ROBO2: variants seen among roughly 807,000 people sequenced by gnomAD.
The protein encoded by ROBO2 is roundabout guidance receptor 2, also known as roundabout homolog 2.
Under a neutral mutation model 160.8 loss-of-function variants are expected in ROBO2, and 53 were observed. The observed-to-expected ratio is 0.33, with a 90% CI of 0.26 to 0.41. The LOEUF (loss-of-function observed/expected upper bound fraction) is 0.41. ROBO2 is among the 10% of genes least tolerant of loss of function. ROBO2 has a pLI of 1.00. For missense variants in ROBO2, 1,577 were observed against 1,722.4 expected, an observed-to-expected ratio of 0.92 and a Z score of 1.49; for synonymous variants, 664 against 611.7, an observed-to-expected ratio of 1.09 and a Z score of -1.26.
chr3:76,089,528 T>C (rs976553758), intron 2 of ROBO2, among the ~76,000 whole-genome samples: 3 of 151,994 alleles, frequency 2.0e-5, no homozygotes, highest in African/African-American at 7.2e-5. Flanking sequence ...GGTTAAACAT[T>C]TAAAAATGAA....
At chr3:76,954,264 T>C (rs2079117884) in intron 2 of ROBO2, among the ~76,000 whole-genome samples, 1 of 151,786 alleles carries the variant, frequency 6.6e-6, no homozygotes, top group Non-Finnish European at 1.5e-5. Flanking sequence ...CAATAGGTTT[T>C]CTTTACCCAC....
At chr3:76,109,962 GTTCCATTCAGGT>G (rs1214721823) in intron 2 of ROBO2, among the ~76,000 whole-genome samples, 3 of 151,656 alleles carry the variant, frequency 2.0e-5, no homozygotes, top group African/African-American at 7.3e-5. Flanking sequence ...ATAGCCTCCA[GTTCCATTCAGGT>G]TGCTGAAAAA....
intron 2 of ROBO2, among the ~76,000 whole-genome samples, chr3:76,561,977 C>T (rs2084210022): frequency 6.6e-6 from 1 of 152,072 alleles, no homozygotes; most frequent in South Asian, 2.1e-4. Context: ...CTGGCACTTT[C>T]CTCTTGTATC....
At chr3:76,630,763 T>C (rs1282643375) in intron 2 of ROBO2, among the ~76,000 whole-genome samples, 1 of 152,170 alleles carries the variant, frequency 6.6e-6, no homozygotes, top group East Asian at 1.9e-4. Context: ...AAAATAAATG[T>C]TTTTTTAAAA....
intron 2 of ROBO2, among the ~76,000 whole-genome samples, chr3:76,825,833 A>C (rs1053119609): frequency 1.6e-4 from 25 of 151,840 alleles, no homozygotes; most frequent in Non-Finnish European, 3.4e-4. Context: ...CCCTCCCTTA[A>C]CGTAACAGAT....
chr3:76,077,073 T>C (rs2108000583), intron 2 of ROBO2, among the ~76,000 whole-genome samples: 1 of 152,340 alleles, frequency 6.6e-6, no homozygotes, highest in African/African-American at 2.4e-5. Context: ...TTTTAGTTGT[T>C]GTTGATTATC....
At chr3:75,960,897 G>T (rs1045650198) in intron 2 of ROBO2, among the ~76,000 whole-genome samples, 15 of 151,444 alleles carry the variant, frequency 9.9e-5, no homozygotes, top group Non-Finnish European at 2.1e-4. Flanking sequence ...GAATATGAAG[G>T]TACCTGCCAT....
At chr3:76,362,509 C>T (rs2075579612) in intron 2 of ROBO2, among the ~76,000 whole-genome samples, 1 of 151,998 alleles carries the variant, frequency 6.6e-6, no homozygotes, top group African/African-American at 2.4e-5. Flanking sequence ...GCCGTGTTAG[C>T]TTAGGTAAGG....
At chr3:76,897,648 T>C (rs2148853965) in intron 2 of ROBO2, among the ~76,000 whole-genome samples, 1 of 152,118 alleles carries the variant, frequency 6.6e-6, no homozygotes, top group Non-Finnish European at 1.5e-5. Flanking sequence ...TTCTTTCCTT[T>C]GGTGAATGTA....
intron 2 of ROBO2, among the ~76,000 whole-genome samples, chr3:76,933,603 G>A (rs2324706): frequency 0.44 from 67,074 of 151,990 alleles, 15,076 homozygotes; most frequent in African/African-American, 0.51. Flanking sequence ...AGAAGTCTGC[G>A]TTGTAGCTAT....
intron 2 of ROBO2, among the ~76,000 whole-genome samples, chr3:76,459,785 A>G (rs1017720826): frequency 1.3e-5 from 2 of 152,152 alleles, no homozygotes; most frequent in Non-Finnish European, 2.9e-5. Flanking sequence ...TAAAAACATC[A>G]TCATGTTCCC....
intron 2 of ROBO2, among the ~76,000 whole-genome samples, chr3:76,975,462 G>A (rs1270898670): frequency 2.0e-5 from 3 of 152,030 alleles, no homozygotes; most frequent in African/African-American, 7.2e-5. Flanking sequence ...CCGAGATCGC[G>A]CCATTGCACT....
Position 77,617,402 on chromosome 3 carries a change from G to A in ROBO2, c.3294-111G>A, listed in dbSNP as rs776870509. 8.5e-5 allele frequency: 105 copies of A among 1,233,866 alleles called. 3 individuals carry two copies. The highest frequency in any genetic ancestry group is 7.2e-5 in the East Asian group (3 of 41,698). 76.4% of individuals were successfully genotyped at this position (1,233,866 alleles called of 1,614,324 possible). On this transcript the variant is annotated intron_variant, in intron 21 of 25. Coordinates refer to ENST00000461745, the Ensembl canonical transcript of ROBO2. The stretch of plus-strand genomic sequence containing the variant: ...CAACAGCTTCAGGAAGAAATAAACC[G>A]AGAGAACATTTCAGATACCATGTGG...
At chr3:76,924,959 A>G (rs2076885066) in intron 2 of ROBO2, among the ~76,000 whole-genome samples, 1 of 152,194 alleles carries the variant, frequency 6.6e-6, no homozygotes, top group Admixed American at 6.5e-5. Flanking sequence ...CTGTAATCCC[A>G]GCACTTTGGG....
chr3:76,741,951 T>C (rs1233714085), intron 2 of ROBO2, among the ~76,000 whole-genome samples: 2 of 152,078 alleles, frequency 1.3e-5, no homozygotes, highest in African/African-American at 4.8e-5. Flanking sequence ...ATGTCTATAG[T>C]TATCTGTGAG....
chr3:76,696,195 C>T lies in ROBO2; in HGVS notation c.110-401819C>T, dbSNP rs191084374. On this transcript the variant is annotated intron_variant, in intron 2 of 26. Transcript: ENST00000487694. ...TAGCCTCCGCAGAATTGTAATGGAGCAGGAACGTCGTAGCGAGTCTAGCCT... is the reference window on the plus strand; with the variant it reads ...TAGCCTCCGCAGAATTGTAATGGAGTAGGAACGTCGTAGCGAGTCTAGCCT... 4.6e-5 allele frequency among the ~76,000 whole-genome samples: 7 copies of T among 152,202 alleles called. No individual in the cohort carries two copies. The East Asian group carries it at 1.2e-3, about 25-fold the overall frequency.
At chr3:76,414,075 C>T (rs1384031328) in intron 2 of ROBO2, among the ~76,000 whole-genome samples, 2 of 97,872 alleles carry the variant, frequency 2.0e-5, no homozygotes, top group Non-Finnish European at 4.3e-5. Flanking sequence ...CTGATAAGCC[C>T]ATCAGATCTT....
At chr3:76,100,075 C>A (rs184649454) in intron 2 of ROBO2, among the ~76,000 whole-genome samples, 14 of 152,234 alleles carry the variant, frequency 9.2e-5, no homozygotes, top group African/African-American at 3.4e-4. Context: ...CCACCAGAAT[C>A]CACATTAAGA....
intron 2 of ROBO2, among the ~76,000 whole-genome samples, chr3:76,460,686 A>T (rs1365706258): frequency 6.6e-6 from 1 of 152,222 alleles, no homozygotes; most frequent in Non-Finnish European, 1.5e-5. Flanking sequence ...CCTGCAGATG[A>T]CAACAGCTCC....
Sources: gnomAD v4.1 joint callset for allele counts (sites outside exome capture counted in the v4.1 genomes callset) on GRCh38, gnomAD v4.1.1 for gene constraint, MANE v1.5 for transcripts, NCBI Gene and HGNC (gene_info 2026-07-23, HGNC 2026-07-21) for gene names.